The following DAP variants were observed in gnomAD, a reference collection of about 807,000 sequenced individuals.
DAP encodes death associated protein, also known as death-associated protein 1.
In DAP, 8 loss-of-function variants were observed where a neutral mutation model predicts 13.8. That is an observed-to-expected ratio of 0.58 (90% CI 0.34 to 1.05). The LOEUF (loss-of-function observed/expected upper bound fraction) is 1.05, where lower values mean the gene tolerates loss of function less well. Among genes scored for constraint, DAP ranks in the 50% least tolerant of loss-of-function variants. DAP has a pLI of 0.03. For missense variants in DAP, 106 were observed against 133.2 expected (o/e 0.80, Z 1.01); for synonymous variants, 47 against 47.5 (o/e 0.99, Z 0.04).
intron 2 of DAP, among the ~76,000 whole-genome samples, chr5:10,712,370 C>T (rs1046724809): frequency 3.3e-5 from 5 of 152,226 alleles, no homozygotes; most frequent in South Asian, 4.2e-4. Flanking sequence ...AGAAAGAATT[C>T]GGATGGGGGA....
At chr5:10,683,383 G>A (rs927118920) in intron 3 of DAP, 146 bp downstream of exon 3, 14 of 852,476 alleles carry the variant, frequency 1.6e-5, no homozygotes, top group African/African-American at 1.0e-4. Flanking sequence ...GGGGAAACGC[G>A]GCAATGAAGA....
intron 2 of DAP, among the ~76,000 whole-genome samples, chr5:10,745,227 T>C (rs1434126519): frequency 6.6e-6 from 1 of 152,190 alleles, no homozygotes; most frequent in African/African-American, 2.4e-5. Flanking sequence ...AAAAGCTGTT[T>C]TGGCAACTTA....
intron 2 of DAP, among the ~76,000 whole-genome samples, chr5:10,736,223 C>T (rs1325365990): frequency 6.6e-6 from 1 of 152,192 alleles, no homozygotes; most frequent in East Asian, 1.9e-4. Flanking sequence ...GCCTCCACAA[C>T]TGTGAGACGA....
chr5:10,741,129 T>C (rs753914812), intron 2 of DAP, among the ~76,000 whole-genome samples: 42 of 152,204 alleles, frequency 2.8e-4, no homozygotes, highest in Non-Finnish European at 4.4e-5. Context: ...GGTAGGAGGA[T>C]TGCTTGAGCT....
intron 2 of DAP, among the ~76,000 whole-genome samples, chr5:10,695,964 T>C (rs986472685): frequency 1.3e-5 from 2 of 152,024 alleles, no homozygotes; most frequent in Admixed American, 1.3e-4. Flanking sequence ...ACACTCTGCA[T>C]GTAGTGTGAA....
intron 2 of DAP, among the ~76,000 whole-genome samples, chr5:10,696,505 A>G (rs1019281981): frequency 1.1e-4 from 17 of 152,220 alleles, no homozygotes; most frequent in African/African-American, 4.1e-4. Context: ...AGTTCAGATG[A>G]GCAGCCTCTC....
chr5:10,685,315 A>G (rs1344977983), intron 2 of DAP, among the ~76,000 whole-genome samples: 3 of 53,604 alleles, frequency 5.6e-5, no homozygotes, highest in African/African-American at 4.6e-4. Context: ...TATAGGATTA[A>G]TAGTCGGCCA....
At chr5:10,742,124 A>G (rs998713436) in intron 2 of DAP, among the ~76,000 whole-genome samples, 9 of 147,982 alleles carry the variant, frequency 6.1e-5, no homozygotes, top group Admixed American at 4.7e-4. Context: ...CCTTTCTTAT[A>G]CATTAAGTAA....
chr5:10,695,790 A>T (rs1738424405), intron 2 of DAP, among the ~76,000 whole-genome samples: 1 of 152,044 alleles, frequency 6.6e-6, no homozygotes. Context: ...GGGTTCTGAA[A>T]TATTTCTCTC....
At chr5:10,756,810 C>T (rs1474392739) in intron 1 of DAP, among the ~76,000 whole-genome samples, 2 of 152,184 alleles carry the variant, frequency 1.3e-5, no homozygotes, top group Admixed American at 1.3e-4. Context: ...ATAATTAGGT[C>T]CTCTTTTCTG....
At chr5:10,694,882 AAAACTCTTGTTTTG>A (rs1459925629) in intron 2 of DAP, among the ~76,000 whole-genome samples, 1 of 152,180 alleles carries the variant, frequency 6.6e-6, no homozygotes, top group African/African-American at 2.4e-5. Context: ...AGCAAATTCC[AAAACTCTTGTTTTG>A]ACTCTGCTCA....
At chr5:10,730,032 A>G (rs1303344641) in intron 2 of DAP, among the ~76,000 whole-genome samples, 3 of 152,350 alleles carry the variant, frequency 2.0e-5, no homozygotes, top group African/African-American at 7.2e-5. Flanking sequence ...GGCTGTCCTC[A>G]CAGGCGGTTT....
intron 2 of DAP, among the ~76,000 whole-genome samples, chr5:10,728,208 A>G (rs1329204458): frequency 2.0e-5 from 3 of 152,176 alleles, no homozygotes; most frequent in African/African-American, 7.2e-5. Flanking sequence ...TTATTTACTA[A>G]TATTTGTTTA....
At chr5:10,722,421 C>T (rs908239535) in intron 2 of DAP, among the ~76,000 whole-genome samples, 1 of 152,078 alleles carries the variant, frequency 6.6e-6, no homozygotes, top group African/African-American at 2.4e-5. Context: ...TCTTGCTCCT[C>T]AAGCTTGCAG....
rs55645932 is a variant in DAP, at chr5:10,733,155, C to CGTGTGTGTGTGT, written c.152+15008_152+15019dup. ...TTTTTAAGGTTGAATAATATTCCTGCGTGTGTGTGTGTGTGTGTGTGTGTG... is the reference window on the plus strand; with the variant it reads ...TTTTTAAGGTTGAATAATATTCCTGCGTGTGTGTGTGTGTGTGTGTGTGTGTGTGTGTGTGTG... On this transcript the variant is annotated intron_variant, in intron 2 of 3. Transcript: ENST00000230895. 3.2e-4 allele frequency among the ~76,000 whole-genome samples: 41 copies of CGTGTGTGTGTGT among 128,476 alleles called. 1 individual carries two copies. Among genetic ancestry groups the CGTGTGTGTGTGT allele is most frequent in the Admixed American group, 1.9e-3 (24 of 12,434 alleles). 84.3% of individuals were successfully genotyped at this position (128,476 alleles called of 152,430 possible).
intron 2 of DAP, among the ~76,000 whole-genome samples, chr5:10,720,393 G>A (rs1739106401): frequency 6.6e-6 from 1 of 152,052 alleles, no homozygotes; most frequent in Non-Finnish European, 1.5e-5. Context: ...AGAAATTTGG[G>A]GAAGAGGTAT....
intron 2 of DAP, 135 bp from the exon 3 acceptor site, chr5:10,683,706 GTTAT>G: frequency 1.3e-6 from 1 of 779,666 alleles, no homozygotes; most frequent in Non-Finnish European, 2.2e-6. Flanking sequence ...TCTCCTCTGC[GTTAT>G]TTGTTGTAAT....
intron 1 of DAP, among the ~76,000 whole-genome samples, chr5:10,753,217 C>G (rs892045542): frequency 6.6e-6 from 1 of 152,230 alleles, no homozygotes; most frequent in African/African-American, 2.4e-5. Flanking sequence ...ACAGCAGCCC[C>G]ACGGAGTAGA....
At chr5:10,685,677 G>A (rs974829922) in intron 2 of DAP, among the ~76,000 whole-genome samples, 3 of 152,202 alleles carry the variant, frequency 2.0e-5, no homozygotes, top group African/African-American at 7.2e-5. Context: ...TCCGTAGCAG[G>A]AGTGCACAGT....
Sources: allele counts gnomAD v4.1 joint callset (sites outside exome capture counted in the v4.1 genomes callset), GRCh38; gene constraint gnomAD v4.1.1; transcripts MANE v1.5; gene names NCBI Gene and HGNC (gene_info 2026-07-23, HGNC 2026-07-21).